Variants in NDST4 observed in about 807,000 individuals in gnomAD.
NDST4 encodes N-heparan sulfate sulfotransferase 4.
A neutral mutation model predicts 100.8 loss-of-function variants in NDST4; 63 were observed. The observed-to-expected ratio is 0.62, with a 90% CI of 0.51 to 0.77. NDST4 has a LOEUF of 0.77. Among genes scored for constraint, NDST4 ranks in the 30% least tolerant of loss-of-function variants. The probability of loss-of-function intolerance (pLI) is 0.00; values close to 1 mark genes in which losing one functional copy is unlikely to be tolerated. For missense variants in NDST4, 943 were observed against 1,018.4 expected (o/e 0.93, Z 1.01); for synonymous variants, 377 against 361.8 (o/e 1.04, Z -0.48).
intron 1 of NDST4, among the ~76,000 whole-genome samples, chr4:115,095,801 G>T (rs1729609978): frequency 6.6e-6 from 1 of 151,852 alleles, no homozygotes; most frequent in Non-Finnish European, 1.5e-5. Context: ...CCCTACTATT[G>T]TTAACAGGCC....
At chr4:115,006,804 AG>A (rs1464610616) in intron 2 of NDST4, among the ~76,000 whole-genome samples, 2 of 152,150 alleles carry the variant, frequency 1.3e-5, no homozygotes, top group Non-Finnish European at 2.9e-5. Flanking sequence ...ATGTAGAATT[AG>A]TATAGTAGAA....
At chr4:115,041,195 C>A (rs907365927) in intron 2 of NDST4, among the ~76,000 whole-genome samples, 2 of 151,986 alleles carry the variant, frequency 1.3e-5, no homozygotes, top group Non-Finnish European at 2.9e-5. Flanking sequence ...TGGAAGAAGA[C>A]AAGATAACTC....
intron 1 of NDST4, among the ~76,000 whole-genome samples, chr4:115,107,790 T>G (rs1057216039): frequency 2.0e-5 from 3 of 152,104 alleles, no homozygotes; most frequent in African/African-American, 7.2e-5. Context: ...TTTCCTTATT[T>G]TTATGAACAT....
chr4:115,020,793 C>G (rs1024946987), intron 2 of NDST4, among the ~76,000 whole-genome samples: 1 of 151,998 alleles, frequency 6.6e-6, no homozygotes, highest in African/African-American at 2.4e-5. Context: ...ATACAAATGG[C>G]CAACATCGTA....
At chr4:115,047,510 A>G (rs930090350) in intron 2 of NDST4, among the ~76,000 whole-genome samples, 12 of 152,128 alleles carry the variant, frequency 7.9e-5, no homozygotes, top group Admixed American at 7.2e-4. Flanking sequence ...CTTATTTTTC[A>G]AAAGGTAATT....
At chr4:115,063,664 A>G (rs994908864) in intron 2 of NDST4, among the ~76,000 whole-genome samples, 2 of 151,574 alleles carry the variant, frequency 1.3e-5, no homozygotes, top group Non-Finnish European at 2.9e-5. Context: ...CAAATTAATT[A>G]CAATTTATCT....
At chr4:114,860,302 C>T (rs1210075448) in intron 7 of NDST4, among the ~76,000 whole-genome samples, 1 of 152,080 alleles carries the variant, frequency 6.6e-6, no homozygotes, top group South Asian at 2.1e-4. Flanking sequence ...TTCAACTAAC[C>T]ATATTTTTCA....
intron 6 of NDST4, among the ~76,000 whole-genome samples, chr4:114,904,211 C>G (rs547123515): frequency 2.0e-5 from 3 of 152,006 alleles, no homozygotes; most frequent in South Asian, 2.1e-4. Flanking sequence ...ATCACTATTT[C>G]CCACTCAAGC....
At chr4:115,027,822 G>A (rs1463757719) in intron 2 of NDST4, among the ~76,000 whole-genome samples, 1 of 152,114 alleles carries the variant, frequency 6.6e-6, no homozygotes, top group African/African-American at 2.4e-5. Flanking sequence ...GGGAGGCCAA[G>A]GCGGGCAGAT....
chr4:115,029,935 A>T (rs1728079156), intron 2 of NDST4, among the ~76,000 whole-genome samples: 1 of 152,140 alleles, frequency 6.6e-6, no homozygotes, highest in Non-Finnish European at 1.5e-5. Context: ...AATGGGGCAT[A>T]ATTTTGTGAT....
intron 10 of NDST4, among the ~76,000 whole-genome samples, chr4:114,843,222 A>T (rs887784625): frequency 7.2e-5 from 11 of 152,210 alleles, no homozygotes; most frequent in African/African-American, 2.7e-4. Flanking sequence ...ACTTACAGGA[A>T]CCACCAGACA....
intron 2 of NDST4, among the ~76,000 whole-genome samples, chr4:115,041,805 A>G (rs999204644): frequency 3.3e-5 from 5 of 152,074 alleles, no homozygotes; most frequent in Admixed American, 6.6e-5. Flanking sequence ...CTCAACATAC[A>G]TTCAGGAAAG....
At chr4:115,026,641 T>C (rs893163687) in intron 2 of NDST4, among the ~76,000 whole-genome samples, 11 of 150,836 alleles carry the variant, frequency 7.3e-5, no homozygotes, top group African/African-American at 2.7e-4. Flanking sequence ...AGGAGACTTG[T>C]CTTTTTTTGC....
intron 6 of NDST4, among the ~76,000 whole-genome samples, chr4:114,903,401 T>TG (rs1724886987): frequency 6.6e-6 from 1 of 152,022 alleles, no homozygotes; most frequent in Non-Finnish European, 1.5e-5. Context: ...TACAGAAGTG[T>TG]GGGGGGCCTT....
chr4:114,932,601 A>C (rs1008134072), intron 6 of NDST4, among the ~76,000 whole-genome samples: 6 of 152,034 alleles, frequency 3.9e-5, no homozygotes, highest in African/African-American at 7.2e-5. Flanking sequence ...GAAAACTCTA[A>C]ATATTCCTTG....
intron 2 of NDST4, among the ~76,000 whole-genome samples, chr4:115,071,107 T>C (rs1246122230): frequency 6.6e-6 from 1 of 151,592 alleles, no homozygotes; most frequent in East Asian, 1.9e-4. Context: ...AGACTCCATT[T>C]CAAAAAATAC....
At chr4:114,836,578 C>T (rs1723310094) in intron 11 of NDST4, among the ~76,000 whole-genome samples, 1 of 152,108 alleles carries the variant, frequency 6.6e-6, no homozygotes, top group Non-Finnish European at 1.5e-5. Flanking sequence ...CTTGGAGAAT[C>T]TGATGATTAT....
chr4:114,862,770 G>A (rs1349706054), intron 7 of NDST4, among the ~76,000 whole-genome samples: 2 of 152,060 alleles, frequency 1.3e-5, no homozygotes, highest in African/African-American at 4.8e-5. Flanking sequence ...CATGCTTTTT[G>A]GGGGAAGAGG....
At chr4:114,927,763 T>C (rs561623764) in intron 6 of NDST4, among the ~76,000 whole-genome samples, 1 of 152,204 alleles carries the variant, frequency 6.6e-6, no homozygotes, top group East Asian at 1.9e-4. Context: ...TCATACATTG[T>C]CTACAGCATT....
Sources: allele counts gnomAD v4.1 joint callset (sites outside exome capture counted in the v4.1 genomes callset), GRCh38; gene constraint gnomAD v4.1.1; transcripts MANE v1.5; gene names NCBI Gene and HGNC (gene_info 2026-07-23, HGNC 2026-07-21).